DPF3: variants seen among roughly 807,000 people sequenced by gnomAD.
DPF3 encodes zinc finger protein DPF3.
Under a neutral mutation model 56.8 loss-of-function variants are expected in DPF3, and 18 were observed. The observed-to-expected ratio is 0.32, with a 90% CI of 0.22 to 0.47. The LOEUF is 0.47. DPF3 is among the 20% of genes least tolerant of loss of function. The pLI, the probability that DPF3 is intolerant of heterozygous loss-of-function variation, is 1.00. For synonymous variants in DPF3, 188 were observed against 180.2 expected, an observed-to-expected ratio of 1.04 and a Z score of -0.35; for missense variants, 403 against 488.8, an observed-to-expected ratio of 0.82 and a Z score of 1.65.
intron 1 of DPF3, among the ~76,000 whole-genome samples, chr14:72,863,152 G>A (rs1347892073): frequency 6.5e-4 from 35 of 53,792 alleles, no homozygotes; most frequent in East Asian, 8.3e-4. Context: ...ATATATGTGT[G>A]TGTGTGTGTG....
intron 1 of DPF3, chr14:72,880,040 T>A: frequency 2.2e-6 from 3 of 1,342,666 alleles, no homozygotes; most frequent in East Asian, 2.6e-5. Context: ...TTTCTCCCTG[T>A]CTGTCTCCTG....
At chr14:72,781,006 T>C (rs989751439) in intron 1 of DPF3, among the ~76,000 whole-genome samples, 2 of 152,148 alleles carry the variant, frequency 1.3e-5, no homozygotes, top group African/African-American at 4.8e-5. Flanking sequence ...AGACATCAGC[T>C]CCCCAGTGAT....
intron 1 of DPF3, among the ~76,000 whole-genome samples, 161 bp downstream of exon 1, chr14:72,893,896 A>G (rs990395638): frequency 6.6e-6 from 1 of 152,252 alleles, no homozygotes; most frequent in African/African-American, 2.4e-5. Flanking sequence ...GTTGGGGGAA[A>G]AAAAGAAGAT....
intron 9 of DPF3, among the ~76,000 whole-genome samples, chr14:72,621,140 C>CAA (rs36094507): frequency 3.3e-5 from 4 of 122,054 alleles, no homozygotes; most frequent in Admixed American, 1.6e-4. Context: ...GACTCTGTCT[C>CAA]AAAAAAAAAA....
intron 1 of DPF3, among the ~76,000 whole-genome samples, chr14:72,863,715 T>C (rs906757739): frequency 1.3e-5 from 2 of 152,150 alleles, no homozygotes; most frequent in African/African-American, 4.8e-5. Flanking sequence ...AGACCAGAGA[T>C]AGCTAAGGCT....
chr14:72,676,827 G>A (rs1370972192), intron 7 of DPF3, among the ~76,000 whole-genome samples: 1 of 152,058 alleles, frequency 6.6e-6, no homozygotes, highest in Non-Finnish European at 1.5e-5. Context: ...CCCAATCTCG[G>A]GTGTTTCTTC....
chr14:72,881,435 C>T (rs1483830943), intron 1 of DPF3, among the ~76,000 whole-genome samples: 1 of 152,052 alleles, frequency 6.6e-6, no homozygotes. Context: ...CAAACCATCA[C>T]ATAAGGCCAA....
intron 8 of DPF3, among the ~76,000 whole-genome samples, chr14:72,639,867 T>G (rs376658581): frequency 3.0e-4 from 46 of 151,802 alleles, no homozygotes; most frequent in African/African-American, 6.3e-4. Flanking sequence ...CTATTATATA[T>G]AGAGAGAGAG....
At chr14:72,814,275 T>C (rs1045444739) in intron 1 of DPF3, among the ~76,000 whole-genome samples, 8 of 152,164 alleles carry the variant, frequency 5.3e-5, no homozygotes, top group African/African-American at 1.4e-4. Context: ...TGAAAGCCCA[T>C]AGCAGTTCAT....
intron 7 of DPF3, among the ~76,000 whole-genome samples, chr14:72,682,855 A>G (rs993868081): frequency 1.3e-5 from 2 of 152,216 alleles, no homozygotes; most frequent in Admixed American, 1.3e-4. Flanking sequence ...AGCATTAGGA[A>G]AAGAGCAAAA....
chr14:72,730,402 G>A (rs1215124964), intron 4 of DPF3, among the ~76,000 whole-genome samples: 1 of 152,214 alleles, frequency 6.6e-6, no homozygotes, highest in East Asian at 1.9e-4. Context: ...CACAAGCCAT[G>A]TTGTGGCAAC....
At chr14:72,665,141 T>G (rs1886391442) in intron 8 of DPF3, among the ~76,000 whole-genome samples, 1 of 150,802 alleles carries the variant, frequency 6.6e-6, no homozygotes, top group Non-Finnish European at 1.5e-5. Context: ...AAAATCTTCT[T>G]GTCTACTGAG....
chr14:72,649,403 A>T (rs1424445140), intron 8 of DPF3, among the ~76,000 whole-genome samples: 1 of 152,068 alleles, frequency 6.6e-6, no homozygotes, highest in Non-Finnish European at 1.5e-5. Context: ...TGCACTTTGG[A>T]TCATGAATAA....
chr14:72,689,531 G>A (rs560496811), intron 7 of DPF3, among the ~76,000 whole-genome samples: 1 of 152,234 alleles, frequency 6.6e-6, no homozygotes, highest in Admixed American at 6.5e-5. Flanking sequence ...GGATGCTGCC[G>A]AGCTGTCACT....
At chr14:72,640,234 T>C (rs1354296029) in intron 8 of DPF3, among the ~76,000 whole-genome samples, 2 of 152,090 alleles carry the variant, frequency 1.3e-5, no homozygotes, top group African/African-American at 4.8e-5. Flanking sequence ...GAGCCTCTTA[T>C]GTAGGCATGA....
At chr14:72,725,944 A>G (rs373356688) in intron 4 of DPF3, among the ~76,000 whole-genome samples, 10 of 152,216 alleles carry the variant, frequency 6.6e-5, no homozygotes, top group African/African-American at 2.2e-4. Flanking sequence ...ACCAGCTGAC[A>G]GCACTTAAAG....
chr14:72,865,559 G>T (rs1329322048), intron 1 of DPF3, among the ~76,000 whole-genome samples: 4 of 152,186 alleles, frequency 2.6e-5, no homozygotes, highest in African/African-American at 7.2e-5. Flanking sequence ...GGGTTTTCAG[G>T]TAAATGGAAA....
intron 1 of DPF3, among the ~76,000 whole-genome samples, chr14:72,773,133 GT>G (rs61015684): frequency 0.81 from 94,940 of 117,574 alleles, 37,788 homozygotes; most frequent in South Asian, 0.88. Context: ...GGTTTTTTGG[GT>G]TTTTTTTTTT....
chr14:72,771,183 CAAT>C (rs1286172249), intron 2 of DPF3, among the ~76,000 whole-genome samples: 1 of 151,080 alleles, frequency 6.6e-6, no homozygotes, highest in Admixed American at 6.6e-5. Flanking sequence ...AAAAAAATAA[CAAT>C]AATAATAATA....
Sources: allele counts gnomAD v4.1 joint callset (sites outside exome capture counted in the v4.1 genomes callset), GRCh38; gene constraint gnomAD v4.1.1; transcripts MANE v1.5; gene names NCBI Gene and HGNC (gene_info 2026-07-23, HGNC 2026-07-21).